COX16: variants seen among roughly 807,000 people sequenced by gnomAD.
COX16 encodes cytochrome c oxidase assembly factor COX16.
A neutral mutation model predicts 15.4 loss-of-function variants in COX16; 12 were observed. The ratio of observed to expected loss-of-function variants is 0.78; its 90% CI spans 0.50 to 1.26. COX16 has a LOEUF of 1.26. Among genes scored for constraint, COX16 ranks in the 50% most tolerant of loss-of-function variants. The pLI is 0.00. For synonymous variants in COX16, 46 were observed against 41.1 expected, an observed-to-expected ratio of 1.12 and a Z score of -0.46; for missense variants, 124 against 127.6, an observed-to-expected ratio of 0.97 and a Z score of 0.14.
At chr14:70,338,270 G>A (rs1177636512) in intron 2 of COX16, among the ~76,000 whole-genome samples, 7 of 152,196 alleles carry the variant, frequency 4.6e-5, no homozygotes, top group Non-Finnish European at 8.8e-5. Flanking sequence ...GCACCACCAC[G>A]CCTGGCTACT....
intron 1 of COX16, among the ~76,000 whole-genome samples, chr14:70,350,757 T>A (rs1245231230): frequency 1.3e-5 from 2 of 152,248 alleles, no homozygotes; most frequent in Non-Finnish European, 2.9e-5. Context: ...TTGAGTACAA[T>A]TAAAAATGAA....
intron 1 of COX16, among the ~76,000 whole-genome samples, chr14:70,350,116 T>C (rs1270855560): frequency 6.6e-6 from 1 of 152,090 alleles, no homozygotes; most frequent in Non-Finnish European, 1.5e-5. Context: ...CCCCGGGGCC[T>C]GAAAGCTTAA....
At chr14:70,347,030 G>A (rs1320261264) in intron 1 of COX16, among the ~76,000 whole-genome samples, 7 of 151,528 alleles carry the variant, frequency 4.6e-5, no homozygotes, top group Non-Finnish European at 4.4e-5. Context: ...AGTTAACCCC[G>A]CTGTTTAGAA....
intron 1 of COX16, among the ~76,000 whole-genome samples, chr14:70,355,541 A>G (rs1273960792): frequency 6.6e-6 from 1 of 152,242 alleles, no homozygotes; most frequent in African/African-American, 2.4e-5. Context: ...AGCAGACCAG[A>G]TTAGTACTGC....
At chr14:70,342,322 T>C (rs1490774953) in intron 2 of COX16, among the ~76,000 whole-genome samples, 1 of 152,122 alleles carries the variant, frequency 6.6e-6, no homozygotes, top group East Asian at 1.9e-4. Context: ...GGCGCACACC[T>C]GTAATCTCAG....
At chr14:70,335,108 G>A (rs1886409962) in intron 2 of COX16, among the ~76,000 whole-genome samples, 1 of 151,762 alleles carries the variant, frequency 6.6e-6, no homozygotes, top group Non-Finnish European at 1.5e-5. Context: ...AGACAACGAA[G>A]GAAATTATAT....
chr14:70,329,323 A>C, intron 2 of COX16, 87 bp from the exon 3 acceptor site: 1 of 1,228,822 alleles, frequency 8.1e-7, no homozygotes, highest in Non-Finnish European at 1.1e-6. Context: ...GAGATGGCTG[A>C]AATACTATAG....
chr14:70,326,231 G>T lies in COX16; in HGVS notation c.*102C>A. On this transcript the variant is annotated 3_prime_UTR_variant, in exon 4 of 4. Transcript: ENST00000389912. ...AATTACCCATATCCAAGTTTCCATG[G>T]GCCTGGAATTTCCTTTCCACTTGAT... 1.0e-6 allele frequency: 1 copy of T among 955,982 alleles called. No homozygotes were observed. Among genetic ancestry groups the T allele is most frequent in the Non-Finnish European group, 1.4e-6 (1 of 719,656 alleles). The allele number at this position is 955,982 out of a possible 1,614,324, so 59.2% of individuals were successfully genotyped here.
At chr14:70,346,074 T>C (rs1373094601) in intron 1 of COX16, among the ~76,000 whole-genome samples, 2 of 151,994 alleles carry the variant, frequency 1.3e-5, no homozygotes, top group African/African-American at 2.4e-5. Context: ...CCCGCCACCT[T>C]ACGCCCCTGC....
chr14:70,333,529 CAGTA>C (rs1046779054), intron 2 of COX16, among the ~76,000 whole-genome samples: 80 of 152,036 alleles, frequency 5.3e-4, no homozygotes, highest in African/African-American at 1.8e-3. Context: ...TGAAAATACA[CAGTA>C]AGAAGAGAAA....
Position 70,326,314 on chromosome 14 carries a change from G to T in COX16, c.*19C>A. ...ATTTTTATTTAAAAAAAAAAAAAAGGAAAAAAGAATCAGCAGAGTCAAGTT... is the reference window on the plus strand; with the variant it reads ...ATTTTTATTTAAAAAAAAAAAAAAGTAAAAAAGAATCAGCAGAGTCAAGTT... On this transcript the variant is annotated 3_prime_UTR_variant, in exon 4 of 4. Coordinates refer to ENST00000389912, the MANE Select transcript of COX16 (RefSeq NM_016468.7). The T allele has an allele frequency of 2.1e-6, 3 of 1,421,160 alleles. No homozygotes were observed. The highest frequency in any genetic ancestry group is 1.6e-5 in the South Asian group (1 of 63,506). 88.0% of individuals were successfully genotyped at this position (1,421,160 alleles called of 1,614,324 possible).
At chr14:70,326,652 C>CCTAT (rs111884235) in intron 3 of COX16, among the ~76,000 whole-genome samples, 109 of 151,968 alleles carry the variant, frequency 7.2e-4, no homozygotes, top group Middle Eastern at 3.4e-3. Flanking sequence ...GATGTTAATG[C>CCTAT]CTATCTTACG....
rs889733987 is a variant in COX16, at chr14:70,326,237, G to C, written c.*96C>G. The C allele has an allele frequency of 3.8e-6, 4 of 1,039,378 alleles. No homozygotes were observed. The highest frequency in any genetic ancestry group is 5.0e-6 in the Non-Finnish European group (4 of 794,248). 64.4% of individuals were successfully genotyped at this position (1,039,378 alleles called of 1,614,324 possible). A position where few individuals can be genotyped will look rare whatever the true frequency, so the allele number is the denominator to read the frequency against. Reference sequence around the variant, plus strand: ...CCATATCCAAGTTTCCATGGGCCTGGAATTTCCTTTCCACTTGATAGAAGT... The same window carrying C: ...CCATATCCAAGTTTCCATGGGCCTGCAATTTCCTTTCCACTTGATAGAAGT... On this transcript the variant is annotated 3_prime_UTR_variant, in exon 4 of 4. Transcript: ENST00000389912.
chr14:70,357,980 T>C (rs34590849), intron 1 of COX16, among the ~76,000 whole-genome samples: 10,894 of 152,200 alleles, frequency 0.072, 558 homozygotes, highest in Non-Finnish European at 0.11. Flanking sequence ...TAGTCAAAAA[T>C]TGAAACAACC....
chr14:70,359,543 A>T lies in COX16; in HGVS notation c.45T>A (p.Thr15=), dbSNP rs577467830. 6.2e-7 allele frequency: 1 copy of T among 1,614,104 alleles called. No homozygotes were observed. The highest frequency in any genetic ancestry group is 1.1e-5 in the South Asian group (1 of 91,072). Residue 15 remains threonine, a synonymous_variant, in exon 1 of 4, where the codon ACT becomes ACA. Transcript: ENST00000389912. ...AVMRAFRKNK[T]LGYGVPMLLL... is the part of the protein sequence containing the mutation. ...CCAACATGGGGACTCCATAGCCGAG[A>T]GTCTTGTTCTTGCGAAAAGCACGCA...
At position 70,326,374 on chromosome 14, in the gene COX16, G is replaced by A; in HGVS notation, c.280C>T (p.Gln94Ter). 1 of 1,590,902 alleles carries A rather than the reference G, an allele frequency of 6.3e-7. No homozygotes were observed. The highest frequency in any genetic ancestry group is 1.1e-5 in the South Asian group (1 of 87,002). The change falls in exon 4 of 4, where the codon CAA becomes TAA. Residue 94 changes from glutamine (Q) to a stop codon, truncating the protein, a stop_gained. Transcript: ENST00000389912. LOFTEE classifies it high-confidence loss of function. ...PRPWEDPDLL[Q>*]GRNPESLKTK... Reference sequence around the variant, plus strand: ...TTAAGGCTTTCTGGATTTCTTCCTTGGAGGAGGTCAGGATCTTCCCAAGGC... The same window carrying A: ...TTAAGGCTTTCTGGATTTCTTCCTTAGAGGAGGTCAGGATCTTCCCAAGGC...
At chr14:70,327,602 G>A (rs1385650888) in intron 3 of COX16, among the ~76,000 whole-genome samples, 2 of 151,826 alleles carry the variant, frequency 1.3e-5, no homozygotes, top group East Asian at 3.9e-4. Context: ...TAGCATACAA[G>A]AAGAATTTAG....
intron 1 of COX16, among the ~76,000 whole-genome samples, chr14:70,346,617 G>A (rs953892147): frequency 7.2e-5 from 11 of 152,284 alleles, no homozygotes; most frequent in East Asian, 3.9e-4. Flanking sequence ...TGGATGCCCC[G>A]GCAACTACCA....
rs1886075116 is a variant in COX16 at position 70,326,373 on chromosome 14, T to TGGAGGAGGTCA, written c.270_280dup (p.Gln94LeufsTer31). On this transcript the variant is annotated frameshift_variant, in exon 4 of 4. Coordinates refer to ENST00000389912, the MANE Select transcript of COX16 (RefSeq NM_016468.7). LOFTEE classifies it high-confidence loss of function. ...CTTAAGGCTTTCTGGATTTCTTCCT[T>TGGAGGAGGTCA]GGAGGAGGTCAGGATCTTCCCAAGG... is the stretch of plus-strand genomic sequence containing the variant. 1 of 1,590,604 alleles carries TGGAGGAGGTCA rather than the reference T, an allele frequency of 6.3e-7. No individual in the cohort carries two copies. Among genetic ancestry groups the TGGAGGAGGTCA allele is most frequent in the Non-Finnish European group, 8.6e-7 (1 of 1,168,226 alleles).
Sources: allele counts gnomAD v4.1 joint callset (sites outside exome capture counted in the v4.1 genomes callset), GRCh38; gene constraint gnomAD v4.1.1; transcripts MANE v1.5; gene names NCBI Gene and HGNC (gene_info 2026-07-23, HGNC 2026-07-21).